Variants in CDKAL1 observed in about 807,000 individuals in gnomAD.
CDKAL1 encodes CDKAL1 threonylcarbamoyladenosine tRNA methylthiotransferase.
A neutral mutation model predicts 68.2 loss-of-function variants in CDKAL1; 32 were observed. The observed-to-expected ratio is 0.47, with a 90% CI of 0.35 to 0.63. The LOEUF (loss-of-function observed/expected upper bound fraction) is 0.63. CDKAL1 is among the 30% of genes least tolerant of loss of function. The pLI, the probability that CDKAL1 is intolerant of heterozygous loss-of-function variation, is 0.00. For missense variants in CDKAL1, 606 were observed against 696.7 expected (o/e 0.87, Z 1.47); for synonymous variants, 234 against 244.3 (o/e 0.96, Z 0.39).
intron 8 of CDKAL1, among the ~76,000 whole-genome samples, chr6:20,839,295 G>A (rs1778082896): frequency 6.6e-6 from 1 of 152,252 alleles, no homozygotes; most frequent in Admixed American, 6.5e-5. Flanking sequence ...CTACATTTGT[G>A]AGCCTTCATT....
chr6:21,200,985 A>C, intron 14 of CDKAL1, 125 bp from the exon 15 acceptor site: 1 of 768,412 alleles, frequency 1.3e-6, no homozygotes, highest in South Asian at 2.6e-5. Context: ...AATAATAAGA[A>C]AACTGGGAGT....
chr6:20,565,176 C>A (rs542469260), intron 4 of CDKAL1, among the ~76,000 whole-genome samples: 1 of 152,078 alleles, frequency 6.6e-6, no homozygotes, highest in African/African-American at 2.4e-5. Flanking sequence ...CAGCATTTGT[C>A]AGTGATTTTT....
At chr6:20,903,492 C>G (rs1561871895) in intron 9 of CDKAL1, among the ~76,000 whole-genome samples, 1 of 152,140 alleles carries the variant, frequency 6.6e-6, no homozygotes, top group Non-Finnish European at 1.5e-5. Flanking sequence ...TTTCACAGTG[C>G]TCCTTATATA....
intron 13 of CDKAL1, among the ~76,000 whole-genome samples, chr6:21,112,658 A>G (rs945416203): frequency 6.6e-6 from 1 of 152,240 alleles, no homozygotes; most frequent in African/African-American, 2.4e-5. Flanking sequence ...ATATGCATGT[A>G]TCAACTGAAC....
intron 7 of CDKAL1, among the ~76,000 whole-genome samples, chr6:20,780,460 T>G (rs1775370516): frequency 1.3e-5 from 2 of 152,168 alleles, no homozygotes; most frequent in African/African-American, 4.8e-5. Flanking sequence ...TTTTTTTAAT[T>G]ACTCATTTTT....
intron 6 of CDKAL1, 63 bp from the exon 7 acceptor site, chr6:20,758,532 G>T (rs375790251): frequency 3.0e-4 from 435 of 1,444,928 alleles, no homozygotes; most frequent in Non-Finnish European, 4.1e-4. Flanking sequence ...CAAGCATAAG[G>T]ATAAACACAA....
chr6:20,790,043 G>T (rs543560660), intron 8 of CDKAL1, among the ~76,000 whole-genome samples: 24 of 152,236 alleles, frequency 1.6e-4, no homozygotes, highest in Middle Eastern at 3.4e-3. Context: ...CAATCCTCCT[G>T]CCTTGGCCTC....
chr6:21,014,530 G>A (rs986897335), intron 11 of CDKAL1, among the ~76,000 whole-genome samples: 3 of 151,662 alleles, frequency 2.0e-5, no homozygotes, highest in Admixed American at 6.6e-5. Context: ...AGAATGGTGT[G>A]AACCTGGGAG....
chr6:21,085,107 G>C (rs1235407195), intron 12 of CDKAL1, among the ~76,000 whole-genome samples: 1 of 152,204 alleles, frequency 6.6e-6, no homozygotes, highest in Non-Finnish European at 1.5e-5. Context: ...AGCAGCCAGA[G>C]TTATCCAGGG....
intron 9 of CDKAL1, among the ~76,000 whole-genome samples, chr6:20,894,853 A>T (rs924693886): frequency 2.0e-5 from 3 of 152,172 alleles, no homozygotes; most frequent in African/African-American, 7.2e-5. Flanking sequence ...TAAAATATAT[A>T]TACAGTAGGT....
At chr6:20,894,726 A>G (rs1382490392) in intron 9 of CDKAL1, among the ~76,000 whole-genome samples, 1 of 152,200 alleles carries the variant, frequency 6.6e-6, no homozygotes, top group African/African-American at 2.4e-5. Flanking sequence ...CACATAAAAT[A>G]CAAAATGTGG....
At chr6:21,192,948 C>T (rs553206667) in intron 13 of CDKAL1, among the ~76,000 whole-genome samples, 99 of 151,878 alleles carry the variant, frequency 6.5e-4, no homozygotes, top group Admixed American at 1.0e-3. Context: ...TTCCAAGTAG[C>T]TGGGACTACA....
intron 8 of CDKAL1, among the ~76,000 whole-genome samples, chr6:20,811,046 A>G (rs116069465): frequency 0.024 from 3,594 of 152,298 alleles, 69 homozygotes; most frequent in Admixed American, 0.035. Context: ...AGCAGGAGAC[A>G]TAGCAGGTAC....
intron 11 of CDKAL1, among the ~76,000 whole-genome samples, chr6:21,025,502 G>A (rs1768903578): frequency 6.6e-6 from 1 of 152,056 alleles, no homozygotes; most frequent in Non-Finnish European, 1.5e-5. Flanking sequence ...GAACTTTCAG[G>A]CTGTCCCACC....
intron 4 of CDKAL1, among the ~76,000 whole-genome samples, chr6:20,618,393 G>A (rs1277585834): frequency 6.6e-6 from 1 of 152,014 alleles, no homozygotes; most frequent in Non-Finnish European, 1.5e-5. Context: ...AGTTTCTTTT[G>A]CTCTGCAGAA....
At chr6:20,881,071 A>G (rs947381781) in intron 9 of CDKAL1, among the ~76,000 whole-genome samples, 1 of 152,234 alleles carries the variant, frequency 6.6e-6, no homozygotes, top group African/African-American at 2.4e-5. Context: ...ATTACTATTC[A>G]TTAAACAGAC....
intron 7 of CDKAL1, among the ~76,000 whole-genome samples, chr6:20,761,553 G>A (rs771957058): frequency 9.2e-5 from 14 of 152,200 alleles, no homozygotes; most frequent in Admixed American, 2.0e-4. Context: ...TAAAGAAACT[G>A]TGGTACATGC....
At chr6:20,995,910 A>G (rs1440866396) in intron 10 of CDKAL1, among the ~76,000 whole-genome samples, 1 of 152,232 alleles carries the variant, frequency 6.6e-6, no homozygotes, top group East Asian at 1.9e-4. Context: ...TGTTTTGTCT[A>G]CATTGAAAAT....
At chr6:20,646,084 TCTCA>T (rs1410073426) in intron 4 of CDKAL1, among the ~76,000 whole-genome samples, 9 of 115,358 alleles carry the variant, frequency 7.8e-5, no homozygotes, top group Admixed American at 2.6e-4. Flanking sequence ...TGAGACAGAG[TCTCA>T]CTCTGTCACC....
Sources: allele counts gnomAD v4.1 joint callset (sites outside exome capture counted in the v4.1 genomes callset), GRCh38; gene constraint gnomAD v4.1.1; transcripts MANE v1.5; gene names NCBI Gene and HGNC (gene_info 2026-07-23, HGNC 2026-07-21).